The following CADM2 variants were observed in gnomAD, a reference collection of about 807,000 sequenced individuals.
CADM2 encodes the protein cell adhesion molecule 2.
Under a neutral mutation model 49.8 loss-of-function variants are expected in CADM2, and 12 were observed. The ratio of observed to expected loss-of-function variants is 0.24; its 90% confidence interval spans 0.15 to 0.39. The LOEUF is 0.39. Ranked by LOEUF, CADM2 falls within the 10% of genes least tolerant of loss-of-function variation. CADM2 has a pLI of 1.00. For missense variants in CADM2, 378 were observed against 492.3 expected (o/e 0.77, Z 2.20); for synonymous variants, 214 against 175.4 (o/e 1.22, Z -1.74).
At chr3:85,244,259 A>G (rs983104167) in intron 1 of CADM2, among the ~76,000 whole-genome samples, 4 of 152,130 alleles carry the variant, frequency 2.6e-5, no homozygotes, top group African/African-American at 9.7e-5. Context: ...ATAACACGCA[A>G]GGGCTGTGTA....
chr3:86,040,262 G>C (rs528273253), intron 8 of CADM2, among the ~76,000 whole-genome samples: 11 of 152,204 alleles, frequency 7.2e-5, no homozygotes, highest in African/African-American at 2.6e-4. Flanking sequence ...AGAGAAGAAG[G>C]CTTCAGATGA....
At chr3:85,244,109 G>A (rs778271984) in intron 1 of CADM2, among the ~76,000 whole-genome samples, 13 of 151,866 alleles carry the variant, frequency 8.6e-5, no homozygotes, top group African/African-American at 1.7e-4. Context: ...GAAAAAACTC[G>A]CCTACCCTAA....
intron 1 of CADM2, among the ~76,000 whole-genome samples, chr3:85,474,008 T>A (rs985023504): frequency 6.6e-6 from 1 of 151,996 alleles, no homozygotes; most frequent in Non-Finnish European, 1.5e-5. Context: ...ATTGTTGCAA[T>A]GATTAAGTGA....
intron 2 of CADM2, among the ~76,000 whole-genome samples, chr3:85,786,027 G>C (rs192963874): frequency 1.3e-5 from 2 of 152,060 alleles, no homozygotes; most frequent in African/African-American, 2.4e-5. Flanking sequence ...AAAGGTCAAT[G>C]ATTCGTTATT....
At chr3:85,437,114 C>T (rs746114784) in intron 1 of CADM2, among the ~76,000 whole-genome samples, 13 of 152,114 alleles carry the variant, frequency 8.5e-5, no homozygotes, top group Non-Finnish European at 1.8e-4. Flanking sequence ...GTAGCCTTTT[C>T]ATGTTGGCTT....
At chr3:85,690,418 T>C (rs1027314387) in intron 1 of CADM2, among the ~76,000 whole-genome samples, 3 of 151,616 alleles carry the variant, frequency 2.0e-5, no homozygotes, top group African/African-American at 7.3e-5. Context: ...AAAAGTAACA[T>C]TGGAAGAAAA....
At chr3:85,917,885 T>G (rs1718574789) in intron 6 of CADM2, among the ~76,000 whole-genome samples, 1 of 152,198 alleles carries the variant, frequency 6.6e-6, no homozygotes, top group African/African-American at 2.4e-5. Context: ...GTCCTTCACA[T>G]CCCTTGTAAG....
At chr3:85,921,764 C>T (rs1048624117) in intron 6 of CADM2, among the ~76,000 whole-genome samples, 2 of 151,916 alleles carry the variant, frequency 1.3e-5, no homozygotes, top group African/African-American at 2.4e-5. Context: ...ATCTCTCTCT[C>T]TCTCTCTCTC....
At chr3:85,582,917 G>A (rs1431929070) in intron 1 of CADM2, among the ~76,000 whole-genome samples, 3 of 152,020 alleles carry the variant, frequency 2.0e-5, no homozygotes, top group African/African-American at 7.2e-5. Context: ...TACCTTCTCT[G>A]AGCATTAGTT....
At chr3:85,504,933 A>G (rs1043543950) in intron 1 of CADM2, among the ~76,000 whole-genome samples, 50 of 152,216 alleles carry the variant, frequency 3.3e-4, no homozygotes, top group Middle Eastern at 3.4e-3. Context: ...TAAGCCCCTC[A>G]TTGCCCGGGG....
intron 1 of CADM2, among the ~76,000 whole-genome samples, chr3:85,234,121 C>T (rs1384878110): frequency 3.3e-5 from 5 of 151,836 alleles, no homozygotes; most frequent in African/African-American, 1.2e-4. Context: ...AGTAAATTTC[C>T]CAAGGTTCCA....
intron 8 of CADM2, among the ~76,000 whole-genome samples, chr3:86,005,761 T>C (rs1730711531): frequency 6.6e-6 from 1 of 152,126 alleles, no homozygotes; most frequent in African/African-American, 2.4e-5. Flanking sequence ...AGTCACACTA[T>C]TGTGCTGTCA....
rs184408908 is a variant in CADM2, at chr3:86,065,578, A to G, written c.971-27A>G. The G allele has an allele frequency of 2.3e-3, 3,618 of 1,598,348 alleles. 6 individuals are homozygous for G. The highest frequency in any genetic ancestry group is 2.9e-3 in the Non-Finnish European group (3,446 of 1,174,556). ...TCTGTGACTAAATAACACATTAAAT[A>G]GAACAATATTTTCCTGTCTTTTCCA... On this transcript the variant is annotated intron_variant, in intron 8 of 9. Coordinates refer to ENST00000383699, the MANE Select transcript of CADM2 (RefSeq NM_001167675.2).
intron 7 of CADM2, among the ~76,000 whole-genome samples, chr3:85,957,945 A>G (rs1317063641): frequency 6.6e-6 from 1 of 152,044 alleles, no homozygotes; most frequent in Admixed American, 6.6e-5. Flanking sequence ...GACAAATGGG[A>G]TCTAATTAAA....
At chr3:85,652,371 A>C (rs186636191) in intron 1 of CADM2, among the ~76,000 whole-genome samples, 1 of 152,160 alleles carries the variant, frequency 6.6e-6, no homozygotes, top group Admixed American at 6.5e-5. Context: ...CATATATATG[A>C]TATCCGTTTA....
intron 1 of CADM2, among the ~76,000 whole-genome samples, chr3:85,085,585 GA>G (rs1241026660): frequency 6.6e-6 from 1 of 151,918 alleles, no homozygotes; most frequent in East Asian, 1.9e-4. Context: ...ATTACTACTA[GA>G]AAAGAAGACG....
At chr3:84,994,433 T>G (rs997327872) in intron 1 of CADM2, among the ~76,000 whole-genome samples, 1 of 152,132 alleles carries the variant, frequency 6.6e-6, no homozygotes, top group Non-Finnish European at 1.5e-5. Flanking sequence ...ACAGCATGAT[T>G]TATATGTGAT....
chr3:85,426,527 G>A (rs951289512), intron 1 of CADM2, among the ~76,000 whole-genome samples: 3 of 151,678 alleles, frequency 2.0e-5, no homozygotes, highest in African/African-American at 4.8e-5. Flanking sequence ...ATATATTTAC[G>A]GGGTGCATGA....
At chr3:85,923,499 A>G (rs1719410603) in intron 6 of CADM2, among the ~76,000 whole-genome samples, 1 of 151,350 alleles carries the variant, frequency 6.6e-6, no homozygotes, top group African/African-American at 2.4e-5. Context: ...ATAGGCAGAA[A>G]ATTAAAAATT....
Sources: allele counts gnomAD v4.1 joint callset (sites outside exome capture counted in the v4.1 genomes callset), GRCh38; gene constraint gnomAD v4.1.1; transcripts MANE v1.5; gene names NCBI Gene and HGNC (gene_info 2026-07-23, HGNC 2026-07-21).